The following SKA1 variants were observed in gnomAD, a reference collection of about 807,000 sequenced individuals.
SKA1 encodes the protein spindle and kinetochore associated complex subunit 1.
In SKA1, 20 loss-of-function variants were observed where a neutral mutation model predicts 31.8. The ratio of observed to expected loss-of-function variants is 0.63; its 90% CI spans 0.44 to 0.91. The LOEUF (loss-of-function observed/expected upper bound fraction) is 0.91, where lower values mean the gene tolerates loss of function less well. Ranked by LOEUF, SKA1 falls within the 40% of genes least tolerant of loss-of-function variation. The pLI, the probability that SKA1 is intolerant of heterozygous loss-of-function variation, is 0.00. For missense variants in SKA1, 253 were observed against 298.2 expected (o/e 0.85, Z 1.12); for synonymous variants, 88 against 100.5 (o/e 0.88, Z 0.74).
Position 50,380,050 on chromosome 18 carries a change from T to G in SKA1, c.89-76T>G. The G allele has an allele frequency of 1.6e-6, 2 of 1,277,318 alleles. 1 individual carries two copies. The highest frequency in any genetic ancestry group is 3.4e-5 in the South Asian group (2 of 58,408). The allele number at this position is 1,277,318 out of a possible 1,614,324, so 79.1% of individuals were successfully genotyped here. A position where few individuals can be genotyped will look rare whatever the true frequency, so the allele number is the denominator to read the frequency against. On this transcript the variant is annotated intron_variant, in intron 2 of 6. Transcript: ENST00000285116. ...CTCTCTAAGGTACAGCTATCTATTCTAAGAGTTCGCATGAGTACTTATAGC... is the reference window on the plus strand; with the variant it reads ...CTCTCTAAGGTACAGCTATCTATTCGAAGAGTTCGCATGAGTACTTATAGC...
intron 2 of SKA1, among the ~76,000 whole-genome samples, chr18:50,376,853 TACAC>T (rs34658755): frequency 8.0e-5 from 12 of 150,704 alleles, no homozygotes; most frequent in African/African-American, 1.7e-4. Context: ...CAAAAACGAA[TACAC>T]ACACACACAC....
chr18:50,384,519 A>C (rs1350396837), intron 4 of SKA1, among the ~76,000 whole-genome samples: 3 of 152,110 alleles, frequency 2.0e-5, no homozygotes, highest in Non-Finnish European at 4.4e-5. Context: ...GGCAACTAAA[A>C]TGACTCCGCA....
At chr18:50,384,892 G>GA (rs796154111) in intron 4 of SKA1, among the ~76,000 whole-genome samples, 61 of 68,520 alleles carry the variant, frequency 8.9e-4, no homozygotes, top group Middle Eastern at 8.6e-3. Context: ...AAAAAAAAAG[G>GA]AAAAAAAAAA....
In SKA1 at chr18:50,385,451, C is replaced by T. The variant is rs768385701; in HGVS notation, c.449+98C>T. 45 of 1,077,792 alleles carry T rather than the reference C, an allele frequency of 4.2e-5. 1 individual carries two copies. The highest frequency in any genetic ancestry group is 5.6e-4 in the Middle Eastern group (2 of 3,556). The allele number at this position is 1,077,792 out of a possible 1,614,324, so 66.8% of individuals were successfully genotyped here. On this transcript the variant is annotated intron_variant, in intron 5 of 6. Transcript: ENST00000285116. ...TATATTAATTGTAATATGCTATGTT[C>T]AAATATTGATCTTTTAAAAAAGTTT...
chr18:50,382,000 C>T lies in SKA1; in HGVS notation c.214-129C>T. 11 of 605,494 alleles carry T rather than the reference C, an allele frequency of 1.8e-5. No individual in the cohort carries two copies. In the South Asian group the frequency reaches 2.4e-4, roughly 13 times the overall value. The allele number at this position is 605,494 out of a possible 1,614,324, so 37.5% of individuals were successfully genotyped here. A position where few individuals can be genotyped will look rare whatever the true frequency, so the allele number is the denominator to read the frequency against. ...TTAGCCTCCCAAGGTGCTGGGATTA[C>T]AGGCATGAGCCACCGCGTCCAGCCA... On this transcript the variant is annotated intron_variant, in intron 3 of 6. Transcript: ENST00000285116.
chr18:50,386,637 A>G (rs189688331), intron 5 of SKA1, among the ~76,000 whole-genome samples: 2 of 152,346 alleles, frequency 1.3e-5, no homozygotes. Flanking sequence ...TGACAAACGT[A>G]TAATGTCATG....
chr18:50,382,163 A>G lies in SKA1; in HGVS notation c.248A>G (p.Asp83Gly), dbSNP rs769594890. 28 of 1,545,902 alleles carry G rather than the reference A, an allele frequency of 1.8e-5. No homozygotes were observed. Among genetic ancestry groups the G allele is most frequent in the Non-Finnish European group, 2.4e-5 (28 of 1,155,312 alleles). The change falls in exon 4 of 7, where the codon GAC becomes GGC. Residue 83 changes from aspartate to glycine, a missense_variant. Asp to Gly is a moderately conservative substitution (Grantham distance 94). Transcript: ENST00000285116. The part of the protein sequence containing the change: ...LCESLEEDYK[D>G]IEHLKENVPS... Reference sequence around the variant, plus strand: ...GAATCTCTTGAAGAAGATTACAAAGACATAGAACATCTTAAAGAAAACGTT... The same window carrying G: ...GAATCTCTTGAAGAAGATTACAAAGGCATAGAACATCTTAAAGAAAACGTT...
In SKA1 at chr18:50,393,077, C is replaced by A. The variant is rs942592390; in HGVS notation, c.*830C>A. ...CCTCCTCTCACCAAATATTTAACTACCTGCTGAATACGCCTCTGTACTAGG... is the reference window on the plus strand; with the variant it reads ...CCTCCTCTCACCAAATATTTAACTAACTGCTGAATACGCCTCTGTACTAGG... On this transcript the variant is annotated 3_prime_UTR_variant, in exon 7 of 7. Transcript: ENST00000285116. The A allele has an allele frequency of 6.6e-6, 1 of 152,252 alleles. No homozygotes were observed. Among genetic ancestry groups the A allele is most frequent in the Admixed American group, 6.5e-5 (1 of 15,284 alleles). 9.4% of individuals were successfully genotyped at this position (152,252 alleles called of 1,614,324 possible).
At chr18:50,384,827 G>A (rs559413360) in intron 4 of SKA1, among the ~76,000 whole-genome samples, 3 of 104,484 alleles carry the variant, frequency 2.9e-5, no homozygotes, top group East Asian at 3.2e-4. Flanking sequence ...TGCACAATGT[G>A]CACATGTACC....
chr18:50,384,459 G>A (rs997478535), intron 4 of SKA1, among the ~76,000 whole-genome samples: 25 of 152,022 alleles, frequency 1.6e-4, no homozygotes, highest in African/African-American at 4.8e-4. Context: ...CTTCTCACTC[G>A]CTGTAAAAAT....
chr18:50,383,556 C>G (rs1242844361), intron 4 of SKA1, among the ~76,000 whole-genome samples: 1 of 152,182 alleles, frequency 6.6e-6, no homozygotes, highest in African/African-American at 2.4e-5. Context: ...TCTTGTTCCC[C>G]ACATATCCTC....
At chr18:50,382,516 G>GGAACAA (rs2041271472) in intron 4 of SKA1, among the ~76,000 whole-genome samples, 1 of 151,688 alleles carries the variant, frequency 6.6e-6, no homozygotes, top group Non-Finnish European at 1.5e-5. Context: ...TTTGTTCCTT[G>GGAACAA]ACATTTTAGG....
intron 4 of SKA1, among the ~76,000 whole-genome samples, chr18:50,383,385 A>T (rs1478758642): frequency 1.3e-5 from 2 of 152,078 alleles, no homozygotes; most frequent in Non-Finnish European, 2.9e-5. Context: ...TTTTTAAATT[A>T]TAGATCTCTC....
intron 4 of SKA1, among the ~76,000 whole-genome samples, chr18:50,384,649 A>AAGAGAAGCCATTAAGCCGTAAAGCT (rs1568329649): frequency 7.0e-6 from 1 of 142,220 alleles, no homozygotes; most frequent in African/African-American, 2.7e-5. Context: ...TTAAGGGGTT[A>AAGAGAAGCCATTAAGCCGTAAAGCT]GAACAATGAG....
chr18:50,380,139 C>G lies in SKA1; in HGVS notation c.102C>G (p.Thr34=). ...TGTTTATAACAGGCCAGGAACCTAC[C>G]TTGAAAACTGTATTAAATAAAATAG... ...LSLRNCGQEP[T]LKTVLNKIGD... Residue 34 remains threonine, a synonymous_variant, in exon 3 of 7, where the codon ACC becomes ACG. Coordinates refer to ENST00000285116, the MANE Select transcript of SKA1 (RefSeq NM_145060.4). 1 of 1,532,296 alleles carries G rather than the reference C, an allele frequency of 6.5e-7. No homozygotes were observed. 94.9% of individuals were successfully genotyped at this position (1,532,296 alleles called of 1,614,324 possible).
chr18:50,391,931 A>G (rs570184932), intron 6 of SKA1, among the ~76,000 whole-genome samples, 168 bp from the exon 7 acceptor site: 1 of 152,218 alleles, frequency 6.6e-6, no homozygotes, highest in Non-Finnish European at 1.5e-5. Context: ...CATGCATGCA[A>G]CTTCTGTTGA....
intron 4 of SKA1, among the ~76,000 whole-genome samples, chr18:50,383,779 G>T (rs17661262): frequency 6.6e-6 from 1 of 152,106 alleles, no homozygotes; most frequent in African/African-American, 2.4e-5. Flanking sequence ...ACACAGCAGG[G>T]CATAAGGGAG....
chr18:50,377,413 A>G (rs547065983), intron 2 of SKA1, among the ~76,000 whole-genome samples: 4 of 152,360 alleles, frequency 2.6e-5, no homozygotes, highest in South Asian at 2.1e-4. Context: ...TAGGGGTAAA[A>G]GTAGTTCATA....
chr18:50,387,740 T>A (rs1260483887), intron 5 of SKA1, among the ~76,000 whole-genome samples: 1 of 152,242 alleles, frequency 6.6e-6, no homozygotes, highest in Non-Finnish European at 1.5e-5. Context: ...AGAATTTCCA[T>A]CTCTGCTTTG....
Sources: allele counts gnomAD v4.1 joint callset (sites outside exome capture counted in the v4.1 genomes callset), GRCh38; gene constraint gnomAD v4.1.1; transcripts MANE v1.5; gene names NCBI Gene and HGNC (gene_info 2026-07-23, HGNC 2026-07-21).